Variants in SYT1 observed in about 807,000 individuals in gnomAD.
SYT1 encodes the protein synaptotagmin 1.
SYT1 carries 8 observed loss-of-function variants against 44.8 expected under a neutral mutation model. That is an observed-to-expected ratio of 0.18 (90% confidence interval 0.10 to 0.32). The LOEUF (loss-of-function observed/expected upper bound fraction) is 0.32, where lower values mean the gene tolerates loss of function less well. Among genes scored for constraint, SYT1 ranks in the 10% least tolerant of loss-of-function variants. SYT1 has a pLI of 1.00. For missense variants in SYT1, 286 were observed against 509.3 expected, an observed-to-expected ratio of 0.56 and a Z score of 4.22; for synonymous variants, 154 against 188.8, an observed-to-expected ratio of 0.82 and a Z score of 1.51.
intron 1 of SYT1, among the ~76,000 whole-genome samples, chr12:78,965,243 G>A (rs1248858118): frequency 6.6e-6 from 1 of 152,078 alleles, no homozygotes; most frequent in Non-Finnish European, 1.5e-5. Flanking sequence ...AATATTGTGA[G>A]ATGTTTTAGG....
At chr12:78,878,332 C>T (rs1874282276) in intron 1 of SYT1, among the ~76,000 whole-genome samples, 1 of 151,746 alleles carries the variant, frequency 6.6e-6, no homozygotes, top group Non-Finnish European at 1.5e-5. Context: ...AACATAAAAT[C>T]TGTCAATCCT....
At chr12:78,933,423 G>A (rs1374064978) in intron 1 of SYT1, among the ~76,000 whole-genome samples, 6 of 152,176 alleles carry the variant, frequency 3.9e-5, no homozygotes, top group Non-Finnish European at 5.9e-5. Context: ...ATCAATATAA[G>A]AGTAACCCAG....
In SYT1 at chr12:78,892,005, A is replaced by G. The variant is rs373498902; in HGVS notation, c.-217+26896A>G. On this transcript the variant is annotated intron_variant, in intron 1 of 10. Coordinates refer to ENST00000261205, the MANE Select transcript of SYT1 (RefSeq NM_005639.3). ...TTAATCACTATAATTTTATATATTA[A>G]CAATTTTTCATTCTCTTTCTCCTGA... Among the ~76,000 whole-genome samples the G allele has an allele frequency of 3.9e-4, 60 of 151,956 alleles. 1 individual carries two copies. The South Asian group carries it at 0.012, about 29-fold the overall frequency.
intron 1 of SYT1, among the ~76,000 whole-genome samples, chr12:78,877,930 C>G (rs1874262067): frequency 6.6e-6 from 1 of 151,720 alleles, no homozygotes; most frequent in Non-Finnish European, 1.5e-5. Context: ...CACCTGTCCT[C>G]AAAAGTATAA....
At chr12:79,342,132 G>A (rs1209917497) in intron 8 of SYT1, among the ~76,000 whole-genome samples, 2 of 152,150 alleles carry the variant, frequency 1.3e-5, no homozygotes, top group Non-Finnish European at 2.9e-5. Context: ...GAATAAGTAG[G>A]AAATAGAACT....
chr12:78,989,052 G>C (rs1236175903), intron 2 of SYT1, among the ~76,000 whole-genome samples: 2 of 152,044 alleles, frequency 1.3e-5, no homozygotes, highest in African/African-American at 4.8e-5. Flanking sequence ...AAGAGAGAAG[G>C]AATCATCAAA....
chr12:78,927,443 C>A (rs368078513), intron 1 of SYT1, among the ~76,000 whole-genome samples: 12 of 152,010 alleles, frequency 7.9e-5, no homozygotes, highest in Middle Eastern at 3.2e-3. Context: ...GATTAGTGTG[C>A]GTCATTTAAA....
At chr12:79,166,412 A>T (rs969681784) in intron 3 of SYT1, among the ~76,000 whole-genome samples, 3 of 152,020 alleles carry the variant, frequency 2.0e-5, no homozygotes, top group East Asian at 1.9e-4. Context: ...TGGTCTCTTC[A>T]TATTCTATTC....
chr12:79,419,431 A>T (rs1868965650), intron 9 of SYT1: 1 of 362,406 alleles, frequency 2.8e-6, no homozygotes. Context: ...GTCAGGTGGG[A>T]TCACACTGGC....
chr12:79,129,426 C>T (rs1868661891), intron 3 of SYT1, among the ~76,000 whole-genome samples: 1 of 152,136 alleles, frequency 6.6e-6, no homozygotes, highest in African/African-American at 2.4e-5. Context: ...AAAACTTTCC[C>T]TCATGGGTCT....
chr12:79,011,576 T>G (rs964636757), intron 2 of SYT1, among the ~76,000 whole-genome samples: 2 of 150,100 alleles, frequency 1.3e-5, no homozygotes, highest in East Asian at 3.9e-4. Flanking sequence ...AAGATCTTGC[T>G]AGAAATAGTT....
At chr12:79,190,839 C>T (rs1873073788) in intron 3 of SYT1, among the ~76,000 whole-genome samples, 1 of 151,826 alleles carries the variant, frequency 6.6e-6, no homozygotes, top group Non-Finnish European at 1.5e-5. Context: ...CTTTGTGTCC[C>T]CCAATCATTC....
intron 4 of SYT1, among the ~76,000 whole-genome samples, chr12:79,274,206 C>T (rs908149437): frequency 8.5e-5 from 13 of 152,232 alleles, no homozygotes; most frequent in Non-Finnish European, 1.2e-4. Flanking sequence ...GCCACAGGTG[C>T]GGGAGCTGGA....
intron 9 of SYT1, chr12:79,393,114 T>A (rs1447124993): frequency 6.6e-6 from 1 of 152,204 alleles, no homozygotes; most frequent in Non-Finnish European, 1.5e-5. Flanking sequence ...TTCATCCATG[T>A]CCCTGCAAAG....
At chr12:79,293,370 TAAAATAAAATAAAATAAAATAAAATA>T (rs1565894495) in intron 6 of SYT1, among the ~76,000 whole-genome samples, 3 of 138,780 alleles carry the variant, frequency 2.2e-5, no homozygotes, top group African/African-American at 8.1e-5. Flanking sequence ...TAAAATAAAA[TAAAATAAAATAAAATAAAATAAAATA>T]AAATAAAATA....
intron 1 of SYT1, among the ~76,000 whole-genome samples, chr12:78,942,620 TTATC>T (rs1878437484): frequency 6.6e-6 from 1 of 152,206 alleles, no homozygotes. Flanking sequence ...ACCTATATAT[TTATC>T]TAAGTCTCCT....
chr12:78,870,071 A>G (rs1873739768), intron 1 of SYT1, among the ~76,000 whole-genome samples: 1 of 152,094 alleles, frequency 6.6e-6, no homozygotes, highest in South Asian at 2.1e-4. Flanking sequence ...GGGAATTTCC[A>G]TGTAGAACGG....
At chr12:79,312,435 A>G (rs1010375869) in intron 8 of SYT1, among the ~76,000 whole-genome samples, 27 of 152,194 alleles carry the variant, frequency 1.8e-4, no homozygotes, top group African/African-American at 4.6e-4. Context: ...TGATATTTGC[A>G]TGGAACTGTT....
Position 79,293,195 on chromosome 12 carries a change from G to A in SYT1, c.474+1065G>A, listed in dbSNP as rs1879677901. Among the ~76,000 whole-genome samples, 3 of 150,772 alleles carry A rather than the reference G, an allele frequency of 2.0e-5. No homozygotes were observed. In the South Asian group the frequency reaches 6.3e-4, roughly 32 times the overall value. ...AAAAATTAGCTGGGCGTGGTGACAG[G>A]CGCCTGTAGTCCCAGCTACTCAGGA... On this transcript the variant is annotated intron_variant, in intron 6 of 10. Transcript: ENST00000261205.
Sources: allele counts gnomAD v4.1 joint callset (sites outside exome capture counted in the v4.1 genomes callset), GRCh38; gene constraint gnomAD v4.1.1; transcripts MANE v1.5; gene names NCBI Gene and HGNC (gene_info 2026-07-23, HGNC 2026-07-21).